MRE11: variants seen among roughly 807,000 people sequenced by gnomAD.
MRE11 encodes double-strand break repair protein MRE11.
A neutral mutation model predicts 91.7 loss-of-function variants in MRE11; 62 were observed. That is an observed-to-expected ratio of 0.68 (90% CI 0.55 to 0.84). The LOEUF is 0.84. MRE11 is among the 40% of genes least tolerant of loss of function. MRE11 has a pLI of 0.00. For missense variants in MRE11, 796 were observed against 852.9 expected, an observed-to-expected ratio of 0.93 and a Z score of 0.83; for synonymous variants, 273 against 271.4, an observed-to-expected ratio of 1.01 and a Z score of -0.06.
chr11:94,440,739 A>C (rs1945758388), intron 16 of MRE11, among the ~76,000 whole-genome samples: 2 of 152,308 alleles, frequency 1.3e-5, no homozygotes, highest in South Asian at 2.1e-4. Flanking sequence ...GAGTACCCTC[A>C]TTTTTCTAAG....
In MRE11 at chr11:94,418,381, A is replaced by AT. The variant is rs200848216; in HGVS notation, c.*1743dup. ...GTACCTCTTTTCACAGCCAAGAGCAATTTTTTTTTTTTTAAGGAAAAAAAC... is the reference window on the plus strand; with the variant it reads ...GTACCTCTTTTCACAGCCAAGAGCAATTTTTTTTTTTTTTAAGGAAAAAAAC... On this transcript the variant is annotated 3_prime_UTR_variant, in exon 20 of 20. Transcript: ENST00000323929. The AT allele has an allele frequency of 0.2, 40,475 of 203,362 alleles. 2,039 individuals carry two copies. The highest frequency in any genetic ancestry group is 0.26 in the East Asian group (3,286 of 12,628). 12.6% of individuals were successfully genotyped at this position (203,362 alleles called of 1,614,324 possible).
chr11:94,475,950 TTAA>T (rs1946842217), intron 7 of MRE11, among the ~76,000 whole-genome samples: 1 of 152,024 alleles, frequency 6.6e-6, no homozygotes, highest in African/African-American at 2.4e-5. Context: ...TAATTCAAAA[TTAA>T]TAATGCTTCC....
At chr11:94,431,656 G>A (rs896767141) in intron 18 of MRE11, among the ~76,000 whole-genome samples, 1 of 152,166 alleles carries the variant, frequency 6.6e-6, no homozygotes, top group Non-Finnish European at 1.5e-5. Flanking sequence ...AAGTTACTTA[G>A]CCACTGTGCT....
intron 4 of MRE11, 66 bp from the exon 5 acceptor site, chr11:94,479,827 T>C: frequency 7.8e-7 from 1 of 1,278,842 alleles, no homozygotes; most frequent in Non-Finnish European, 1.1e-6. Flanking sequence ...AAGATTCTCC[T>C]CCAAAATATT....
At chr11:94,500,442 G>A in the MRE11 span, among the ~76,000 whole-genome samples, 1 of 152,324 alleles carries the variant, frequency 6.6e-6, no homozygotes, top group Admixed American at 6.5e-5. Context: ...ACTGCTCTGT[G>A]CACAGAAGGC....
intron 15 of MRE11, among the ~76,000 whole-genome samples, chr11:94,446,103 T>A (rs1409590137): frequency 7.9e-5 from 12 of 152,210 alleles, no homozygotes; most frequent in Non-Finnish European, 4.4e-5. Context: ...ATTTAATTTA[T>A]CCAATTAAAA....
chr11:94,511,603 T>A, the MRE11 span, among the ~76,000 whole-genome samples: 1 of 152,108 alleles, frequency 6.6e-6, no homozygotes. Context: ...TATCTAAAAT[T>A]GAAAAACATA....
rs865997569 is a variant in MRE11 at position 94,417,862 on chromosome 11, A to C, written c.*2263T>G. 8.6e-6 allele frequency: 2 copies of C among 233,116 alleles called. No individual in the cohort carries two copies. Among genetic ancestry groups the C allele is most frequent in the Middle Eastern group, 1.3e-3 (1 of 782 alleles). The allele number at this position is 233,116 out of a possible 1,614,324, so 14.4% of individuals were successfully genotyped here. ...TCTAAGCACCACTTATATTTTCAAG[A>C]ATTTCCTAGAACTTCGAGGAATCTT... On this transcript the variant is annotated 3_prime_UTR_variant, in exon 20 of 20. Coordinates refer to ENST00000323929, the MANE Select transcript of MRE11 (RefSeq NM_005591.4).
chr11:94,470,786 A>G, intron 8 of MRE11, 144 bp from the exon 9 acceptor site: 2 of 906,102 alleles, frequency 2.2e-6, no homozygotes, highest in South Asian at 3.0e-5. Context: ...TGCTAATTTA[A>G]CCTTAATGTT....
intron 19 of MRE11, among the ~76,000 whole-genome samples, chr11:94,429,259 T>C (rs1293940665): frequency 6.6e-6 from 1 of 152,218 alleles, no homozygotes; most frequent in African/African-American, 2.4e-5. Context: ...CATTCAGCCA[T>C]TATAAGCCAT....
At chr11:94,441,809 T>A (rs1217883557) in intron 16 of MRE11, among the ~76,000 whole-genome samples, 1 of 151,590 alleles carries the variant, frequency 6.6e-6, no homozygotes, top group African/African-American at 2.4e-5. Context: ...AAACCGTGTC[T>A]CTACTAAAAA....
At position 94,470,589 on chromosome 11, in the gene MRE11, G is replaced by C. The variant is rs769330601; in HGVS notation, c.899C>G (p.Pro300Arg). Reference sequence around the variant, plus strand: ...GAAAAACTGCCGCACTGTGTGAAGAGGAATTTTATGCATATTCATCTTCCT... The same window carrying C: ...GAAAAACTGCCGCACTGTGTGAAGACGAATTTTATGCATATTCATCTTCCT... The part of the protein sequence containing the change: ...KGRKMNMHKI[P>R]LHTVRQFFME... The change falls in exon 9 of 20, where the codon CCT becomes CGT. Residue 300 changes from proline (P) to arginine (R), a missense_variant. Physicochemically the swap from Pro to Arg is moderately radical, Grantham distance 103 (BLOSUM62 -2). Transcript: ENST00000323929. The C allele has an allele frequency of 1.2e-6, 2 of 1,613,090 alleles. No homozygotes were observed. The highest frequency in any genetic ancestry group is 2.7e-5 in the African/African-American group (2 of 74,838).
intron 9 of MRE11, among the ~76,000 whole-genome samples, 162 bp downstream of exon 9, chr11:94,470,309 T>C (rs1352593030): frequency 1.3e-5 from 2 of 152,064 alleles, no homozygotes; most frequent in African/African-American, 4.8e-5. Flanking sequence ...AAAAAAAATC[T>C]TGGACACAAT....
chr11:94,474,085 C>G (rs117467982), intron 7 of MRE11, among the ~76,000 whole-genome samples: 2,813 of 152,180 alleles, frequency 0.018, 46 homozygotes, highest in Non-Finnish European at 0.031. Flanking sequence ...ATTCAGAGTG[C>G]TGAGCAAGCC....
intron 14 of MRE11, among the ~76,000 whole-genome samples, chr11:94,450,391 ATAAT>A (rs1415515545): frequency 1.3e-5 from 2 of 152,220 alleles, no homozygotes; most frequent in Admixed American, 6.5e-5. Context: ...TCTAAATCAC[ATAAT>A]TAATAAGATA....
intron 10 of MRE11, chr11:94,466,689 C>G (rs952267136): frequency 8.4e-6 from 2 of 237,526 alleles, no homozygotes; most frequent in African/African-American, 4.7e-5. Flanking sequence ...CCTCCACAGT[C>G]TACATCCCAG....
At chr11:94,467,481 A>G (rs1946594150) in intron 10 of MRE11, among the ~76,000 whole-genome samples, 1 of 152,142 alleles carries the variant, frequency 6.6e-6, no homozygotes, top group Non-Finnish European at 1.5e-5. Flanking sequence ...GGGAGATAAG[A>G]GCACATCCCA....
At chr11:94,466,694 TC>T (rs1310687804) in intron 10 of MRE11, 1 of 199,220 alleles carries the variant, frequency 5.0e-6, no homozygotes, top group Admixed American at 5.4e-5. Flanking sequence ...ACAGTCTACA[TC>T]CCAGTACTTC....
At chr11:94,451,088 C>G (rs563503922) in intron 14 of MRE11, among the ~76,000 whole-genome samples, 2 of 151,638 alleles carry the variant, frequency 1.3e-5, no homozygotes, top group East Asian at 3.9e-4. Flanking sequence ...AGTTAGAGAC[C>G]AGCCTGGGCA....
Sources: allele counts gnomAD v4.1 joint callset (sites outside exome capture counted in the v4.1 genomes callset), GRCh38; gene constraint gnomAD v4.1.1; transcripts MANE v1.5; gene names NCBI Gene and HGNC (gene_info 2026-07-23, HGNC 2026-07-21).